Variants in MAPT observed in about 807,000 individuals in gnomAD.
The protein encoded by MAPT is microtubule associated protein tau.
A neutral mutation model predicts 67.9 loss-of-function variants in MAPT; 34 were observed. The ratio of observed to expected loss-of-function variants is 0.50; its 90% CI spans 0.38 to 0.67. The LOEUF (loss-of-function observed/expected upper bound fraction) is 0.67, where lower values mean the gene tolerates loss of function less well. Ranked by LOEUF, MAPT falls within the 30% of genes least tolerant of loss-of-function variation. MAPT has a pLI of 0.00. For missense variants in MAPT, 881 were observed against 1,115.2 expected, an observed-to-expected ratio of 0.79 and a Z score of 2.99; for synonymous variants, 456 against 464.5, an observed-to-expected ratio of 0.98 and a Z score of 0.23.
intron 4 of MAPT, among the ~76,000 whole-genome samples, chr17:45,982,220 G>A (rs563483466): frequency 2.0e-5 from 3 of 151,554 alleles, no homozygotes; most frequent in African/African-American, 7.3e-5. Flanking sequence ...TACTCGGGAG[G>A]CTGAGGCAGG....
At chr17:45,914,498 G>C (rs539708857) in intron 1 of MAPT, among the ~76,000 whole-genome samples, 149 of 152,290 alleles carry the variant, frequency 9.8e-4, no homozygotes, top group Non-Finnish European at 1.5e-3. Context: ...GGGTCAGTGA[G>C]AAAAGCAGTG....
intron 1 of MAPT, among the ~76,000 whole-genome samples, chr17:45,939,342 G>A (rs923283022): frequency 3.9e-5 from 6 of 152,160 alleles, no homozygotes; most frequent in African/African-American, 1.4e-4. Flanking sequence ...CAAGTAACCC[G>A]GGTCATATTT....
At chr17:45,956,510 C>T (rs1236485164) in intron 1 of MAPT, among the ~76,000 whole-genome samples, 4 of 149,002 alleles carry the variant, frequency 2.7e-5, no homozygotes, top group African/African-American at 1.0e-4. Flanking sequence ...AAATGGGGCT[C>T]ATCACGTGAA....
intron 9 of MAPT, among the ~76,000 whole-genome samples, chr17:46,000,792 C>A (rs183012402): frequency 2.0e-5 from 3 of 152,344 alleles, no homozygotes; most frequent in African/African-American, 7.2e-5. Context: ...TTTGCAGTTT[C>A]CAAGTGCCTG....
chr17:45,983,709 C>T lies in MAPT; in HGVS notation c.1130C>T (p.Thr377Met), dbSNP rs756576524. The stretch of plus-strand genomic sequence containing the variant: ...GGGCAGGATGCCCCCCTGGAGTTCA[C>T]GTTTCACGTGGAAATCACACCCAAC... Reference protein sequence around the residue: ...AKGQDAPLEFTFHVEITPNVQ... With the variant: ...AKGQDAPLEFMFHVEITPNVQ... Residue 377 changes from threonine (T) to methionine (M), a missense_variant, in exon 5 of 13, where the codon ACG becomes ATG. This residue lies in a region of MAPT where 687 missense variants were observed against 766.1 expected (regional missense o/e 0.90). Transcript: ENST00000262410. The T allele has an allele frequency of 6.2e-6, 10 of 1,614,180 alleles. No homozygotes were observed. Among genetic ancestry groups the T allele is most frequent in the African/African-American group, 1.3e-5 (1 of 75,070 alleles).
chr17:46,012,454 C>A (rs891646094), intron 10 of MAPT, among the ~76,000 whole-genome samples: 1 of 152,152 alleles, frequency 6.6e-6, no homozygotes, highest in African/African-American at 2.4e-5. Context: ...CTGAGCACTG[C>A]CCTCTGAGCA....
chr17:45,998,802 G>A (rs1408310352), intron 9 of MAPT, among the ~76,000 whole-genome samples: 3 of 152,064 alleles, frequency 2.0e-5, no homozygotes, highest in Non-Finnish European at 4.4e-5. Flanking sequence ...TTCGGTTCTC[G>A]AAAGTCGCCT....
At chr17:45,997,927 C>T (rs1598333210) in intron 9 of MAPT, among the ~76,000 whole-genome samples, 1 of 152,140 alleles carries the variant, frequency 6.6e-6, no homozygotes. Context: ...TGTGAATTTG[C>T]GGGGACCACA....
At chr17:45,941,907 T>C (rs1297458321) in intron 1 of MAPT, among the ~76,000 whole-genome samples, 3 of 152,010 alleles carry the variant, frequency 2.0e-5, no homozygotes, top group Non-Finnish European at 4.4e-5. Flanking sequence ...TGCTTCTGAC[T>C]TTGTTTTCTT....
intron 9 of MAPT, among the ~76,000 whole-genome samples, chr17:46,003,253 T>C (rs866334954): frequency 1.3e-5 from 2 of 152,032 alleles, no homozygotes; most frequent in East Asian, 1.9e-4. Flanking sequence ...CTGACCATTA[T>C]AGAGAACTGA....
intron 1 of MAPT, among the ~76,000 whole-genome samples, chr17:45,921,592 A>G (rs1485682916): frequency 1.3e-5 from 2 of 152,216 alleles, no homozygotes; most frequent in Non-Finnish European, 2.9e-5. Context: ...AGCCAATGAT[A>G]CCACCTCACA....
Position 45,987,078 on chromosome 17 carries a change from G to C in MAPT, c.1390G>C (p.Asp464His). The C allele has an allele frequency of 6.2e-7, 1 of 1,614,002 alleles. No individual in the cohort carries two copies. The highest frequency in any genetic ancestry group is 8.5e-7 in the Non-Finnish European group (1 of 1,179,950). The change falls in exon 6 of 13, where the codon GAT becomes CAT. Residue 464 changes from aspartate to histidine, a missense_variant. Asp to His is a moderately conservative substitution (Grantham distance 81, BLOSUM62 -1). Around this residue, in one of 6 missense-constraint regions of MAPT, gnomAD observed 687 missense variants for 766.1 expected, o/e 0.90. Transcript: ENST00000262410. ...TAAAAGCAAAGACGGGACTGGAAGC[G>C]ATGACAAAAAAGCCAAGGTAAGCTG... The part of the protein sequence containing the change: ...VSKSKDGTGS[D>H]DKKAKTSTRS...
intron 10 of MAPT, among the ~76,000 whole-genome samples, chr17:46,011,583 G>A (rs971605138): frequency 6.6e-6 from 1 of 152,088 alleles, no homozygotes; most frequent in African/African-American, 2.4e-5. Flanking sequence ...CTGGGCACCC[G>A]AGGCTCCTCT....
chr17:45,904,265 T>TA (rs1415349653), intron 1 of MAPT, among the ~76,000 whole-genome samples: 60 of 48,988 alleles, frequency 1.2e-3, no homozygotes, highest in African/African-American at 3.8e-3. Flanking sequence ...TTATATATTA[T>TA]ATATATTTTT....
intron 1 of MAPT, among the ~76,000 whole-genome samples, chr17:45,957,664 C>T (rs536219112): frequency 3.9e-4 from 60 of 152,246 alleles, no homozygotes; most frequent in Admixed American, 1.9e-3. Flanking sequence ...CCCAGGGAGA[C>T]GTGGCCGTGG....
At position 45,996,552 on chromosome 17, in the gene MAPT, C is replaced by A. The variant is rs1482899906; in HGVS notation, c.1886C>A (p.Ser629Tyr). Reference protein sequence around the residue: ...AVVRTPPKSPSSAKSRLQTAP... With the variant: ...AVVRTPPKSPYSAKSRLQTAP... ...GTCCGTACTCCACCCAAGTCGCCGT[C>A]TTCCGCCAAGAGCCGCCTGCAGACA... is the stretch of plus-strand genomic sequence containing the variant. Residue 629 changes from serine to tyrosine, a missense_variant, in exon 9 of 13, where the codon TCT (serine) becomes TAT (tyrosine). Around this residue, in one of 6 missense-constraint regions of MAPT, gnomAD observed 45 missense variants for 43.2 expected, o/e 1.04. Coordinates refer to ENST00000262410, the MANE Select transcript of MAPT (RefSeq NM_001377265.1). This position sits in a 1 kb window ranked among gnomAD's most constrained non-coding sequence, Gnocchi z 4.5. 3.1e-6 allele frequency: 5 copies of A among 1,613,692 alleles called. No individual in the cohort carries two copies. The highest frequency in any genetic ancestry group is 1.3e-5 in the African/African-American group (1 of 75,046).
At chr17:45,937,992 C>T (rs1166855648) in intron 1 of MAPT, among the ~76,000 whole-genome samples, 1 of 152,186 alleles carries the variant, frequency 6.6e-6, no homozygotes, top group Admixed American at 6.5e-5. Flanking sequence ...TTTCATGATG[C>T]GGCCACACAG....
intron 1 of MAPT, 153 bp downstream of exon 1, chr17:45,894,839 G>T: frequency 6.6e-6 from 1 of 152,036 alleles, no homozygotes. Context: ...CCCTGCTCGG[G>T]GGCTGGGGCC....
In MAPT at chr17:45,983,536, G is replaced by A. The variant is rs1355749877; in HGVS notation, c.957G>A (p.Arg319=). The change falls in exon 5 of 13, where the codon CGG becomes CGA. Residue 319 remains arginine (R), a synonymous_variant. Transcript: ENST00000262410. ...AGGCCTCCCCAGCCCAAGATGGGCG[G>A]CCTCCCCAGACAGCCGCCAGAGAAG... ...PSKASPAQDG[R]PPQTAAREAT... The A allele has an allele frequency of 6.2e-6, 10 of 1,612,886 alleles. No individual in the cohort carries two copies. The highest frequency in any genetic ancestry group is 1.7e-4 in the Middle Eastern group (1 of 6,060).
Sources: gnomAD v4.1 joint callset for allele counts (sites outside exome capture counted in the v4.1 genomes callset) on GRCh38, gnomAD v4.1.1 for gene constraint, gnomAD v4.1.1 regional missense constraint, Gnocchi (gnomAD v3.1) non-coding constraint, MANE v1.5 for transcripts, NCBI Gene and HGNC (gene_info 2026-07-23, HGNC 2026-07-21) for gene names.